The following ADGRG7 variants were observed in gnomAD, a reference collection of about 807,000 sequenced individuals.
ADGRG7 encodes G-protein coupled receptor 128.
Under a neutral mutation model 88.6 loss-of-function variants are expected in ADGRG7, and 82 were observed. That is an observed-to-expected ratio of 0.93 (90% CI 0.77 to 1.11). The LOEUF (loss-of-function observed/expected upper bound fraction) is 1.11, where lower values mean the gene tolerates loss of function less well. Among genes scored for constraint, ADGRG7 ranks in the 50% most tolerant of loss-of-function variants. ADGRG7 has a pLI of 0.00. For missense variants in ADGRG7, 945 were observed against 953.4 expected, an observed-to-expected ratio of 0.99 and a Z score of 0.12; for synonymous variants, 381 against 345.2, an observed-to-expected ratio of 1.10 and a Z score of -1.15.
chr3:100,639,030 G>C, intron 6 of ADGRG7, among the ~76,000 whole-genome samples: 1 of 138,822 alleles, frequency 7.2e-6, no homozygotes, highest in East Asian at 2.0e-4. Context: ...GTGTGTGTGT[G>C]TGTGTGTGTG....
At chr3:100,654,769 T>A (rs1202254645) in intron 11 of ADGRG7, 66 bp from the exon 12 acceptor site, 1 of 963,610 alleles carries the variant, frequency 1.0e-6, no homozygotes, top group African/African-American at 1.7e-5. Context: ...GAAATTTCAC[T>A]GCAGTTTGTT....
intron 1 of ADGRG7, among the ~76,000 whole-genome samples, chr3:100,618,649 G>A (rs980056162): frequency 4.8e-4 from 73 of 152,216 alleles, no homozygotes; most frequent in African/African-American, 1.7e-3. Context: ...GTCAGGTAGC[G>A]TGATGCCTCC....
At chr3:100,676,183 A>C (rs1158250704) in intron 15 of ADGRG7, among the ~76,000 whole-genome samples, 2 of 151,898 alleles carry the variant, frequency 1.3e-5, no homozygotes, top group Non-Finnish European at 2.9e-5. Context: ...CTTAAGATGC[A>C]TCATTAGGTT....
chr3:100,612,052 T>C lies in ADGRG7; in HGVS notation c.115+2081T>C, dbSNP rs77810634. 3.7e-3 allele frequency among the ~76,000 whole-genome samples: 562 copies of C among 152,256 alleles called. 17 individuals carry two copies. The East Asian group carries it at 0.066, about 18-fold the overall frequency. On this transcript the variant is annotated intron_variant, in intron 1 of 15. Coordinates refer to ENST00000273352, the MANE Select transcript of ADGRG7 (RefSeq NM_032787.3). ...TAAATGTCTTAGTAGGGAAAATATA[T>C]ATAAACACACAAAATTTTGCATAAA...
intron 15 of ADGRG7, among the ~76,000 whole-genome samples, chr3:100,674,865 C>T (rs1299693106): frequency 6.6e-6 from 1 of 152,218 alleles, no homozygotes; most frequent in Non-Finnish European, 1.5e-5. Flanking sequence ...GCGTGAGCCA[C>T]TGTGCCCAGC....
At chr3:100,660,717 CG>C (rs2094944041) in intron 14 of ADGRG7, among the ~76,000 whole-genome samples, 1 of 151,860 alleles carries the variant, frequency 6.6e-6, no homozygotes, top group Non-Finnish European at 1.5e-5. Flanking sequence ...CTTTGGGAGG[CG>C]GGGGTGGGTG....
At chr3:100,673,025 T>C (rs1243575652) in intron 15 of ADGRG7, among the ~76,000 whole-genome samples, 1 of 152,066 alleles carries the variant, frequency 6.6e-6, no homozygotes, top group Non-Finnish European at 1.5e-5. Flanking sequence ...TTTTTTTGTG[T>C]GTGTGTGTGT....
chr3:100,665,539 T>A (rs934968832), intron 14 of ADGRG7: 2 of 427,528 alleles, frequency 4.7e-6, no homozygotes, highest in Non-Finnish European at 9.3e-6. Flanking sequence ...TGGGACTATA[T>A]CTTACATATG....
chr3:100,681,431 G>A (rs1025635807), intron 15 of ADGRG7, among the ~76,000 whole-genome samples: 1 of 151,298 alleles, frequency 6.6e-6, no homozygotes, highest in African/African-American at 2.4e-5. Flanking sequence ...CTGCTTCAGT[G>A]TCCTGAGTAC....
Position 100,646,697 on chromosome 3 carries a change from C to T in ADGRG7, c.1239C>T (p.Asn413=). ...ATGGATTCCTGCGCTGCCGCTGCAA[C>T]CATACTACTAATTTTGCTGTATTAA... ...GTDGFLRCRC[N]HTTNFAVLMT... The change falls in exon 10 of 16, where the codon AAC becomes AAT. Residue 413 remains asparagine, a synonymous_variant. Coordinates refer to ENST00000273352, the MANE Select transcript of ADGRG7 (RefSeq NM_032787.3). 1.9e-6 allele frequency: 3 copies of T among 1,614,114 alleles called. No homozygotes were observed. The highest frequency in any genetic ancestry group is 3.3e-5 in the Admixed American group (2 of 60,026).
chr3:100,627,477 G>T (rs1324859066), intron 1 of ADGRG7, among the ~76,000 whole-genome samples: 3 of 152,130 alleles, frequency 2.0e-5, no homozygotes, highest in Non-Finnish European at 4.4e-5. Context: ...TATTTTTAAA[G>T]GATTTTTTTG....
intron 1 of ADGRG7, among the ~76,000 whole-genome samples, chr3:100,618,594 G>C (rs1289948081): frequency 6.6e-6 from 1 of 152,146 alleles, no homozygotes; most frequent in African/African-American, 2.4e-5. Flanking sequence ...TTTGGTACCA[G>C]TACCATGCTG....
chr3:100,687,079 T>C (rs2094984060), intron 15 of ADGRG7, among the ~76,000 whole-genome samples: 1 of 152,234 alleles, frequency 6.6e-6, no homozygotes, highest in African/African-American at 2.4e-5. Flanking sequence ...GTAGTTCTTC[T>C]TGAAGAGGTC....
At chr3:100,635,515 G>T (rs1707523890) in intron 4 of ADGRG7, 162 bp from the exon 5 acceptor site, 2 of 1,422,436 alleles carry the variant, frequency 1.4e-6, no homozygotes, top group Admixed American at 2.9e-5. Context: ...CATGTACTTT[G>T]TCCTTTACAC....
At chr3:100,681,437 A>G (rs1228992887) in intron 15 of ADGRG7, among the ~76,000 whole-genome samples, 2 of 151,742 alleles carry the variant, frequency 1.3e-5, no homozygotes, top group African/African-American at 4.8e-5. Flanking sequence ...CAGTGTCCTG[A>G]GTACCTGGGA....
Position 100,635,456 on chromosome 3 carries a change from A to G in ADGRG7, c.448-221A>G. On this transcript the variant is annotated intron_variant, in intron 4 of 15. Transcript: ENST00000273352. ...CAATCTAGCTAAGGCAGCCCCTTATAGTTAATCAATCCTGTCAAACAGGAA... is the reference window on the plus strand; with the variant it reads ...CAATCTAGCTAAGGCAGCCCCTTATGGTTAATCAATCCTGTCAAACAGGAA... 3 of 978,012 alleles carry G rather than the reference A, an allele frequency of 3.1e-6. No homozygotes were observed. In the South Asian group the frequency reaches 6.7e-5, roughly 22 times the overall value. The allele number at this position is 978,012 out of a possible 1,614,324, so 60.6% of individuals were successfully genotyped here. A position where few individuals can be genotyped will look rare whatever the true frequency, so the allele number is the denominator to read the frequency against.
chr3:100,659,961 G>T (rs2094943074), intron 14 of ADGRG7, 118 bp downstream of exon 14: 1 of 940,246 alleles, frequency 1.1e-6, no homozygotes, highest in Admixed American at 2.5e-5. Context: ...AGGGCTACGT[G>T]GTTTACAGGA....
At chr3:100,680,414 A>T (rs1341434740) in intron 15 of ADGRG7, among the ~76,000 whole-genome samples, 1 of 152,094 alleles carries the variant, frequency 6.6e-6, no homozygotes, top group Non-Finnish European at 1.5e-5. Context: ...CATTCTGGCA[A>T]TCTCTTTTAA....
At chr3:100,658,875 G>A (rs1360094622) in intron 13 of ADGRG7, among the ~76,000 whole-genome samples, 2 of 151,974 alleles carry the variant, frequency 1.3e-5, no homozygotes, top group Non-Finnish European at 2.9e-5. Context: ...TGTTTTGTCC[G>A]CTGCTGATAC....
Sources: gnomAD v4.1 joint callset for allele counts (sites outside exome capture counted in the v4.1 genomes callset) on GRCh38, gnomAD v4.1.1 for gene constraint, MANE v1.5 for transcripts, NCBI Gene and HGNC (gene_info 2026-07-23, HGNC 2026-07-21) for gene names.